The following SLC2A10 variants were observed in gnomAD, a reference collection of about 807,000 sequenced individuals.
SLC2A10 encodes the protein solute carrier family 2, facilitated glucose transporter member 10.
In SLC2A10, 25 loss-of-function variants were observed where a neutral mutation model predicts 32.1. The ratio of observed to expected loss-of-function variants is 0.78; its 90% CI spans 0.57 to 1.09. The LOEUF (loss-of-function observed/expected upper bound fraction) is 1.09, where lower values mean the gene tolerates loss of function less well. Ranked by LOEUF, SLC2A10 falls within the 50% of genes least tolerant of loss-of-function variation. SLC2A10 has a pLI of 0.00. For missense variants in SLC2A10, 673 were observed against 686.5 expected (o/e 0.98, Z 0.22); for synonymous variants, 332 against 309.6 (o/e 1.07, Z -0.76).
intron 1 of SLC2A10, among the ~76,000 whole-genome samples, chr20:46,717,673 C>T (rs1043155445): frequency 6.6e-6 from 1 of 152,190 alleles, no homozygotes; most frequent in African/African-American, 2.4e-5. Flanking sequence ...GTGCGAGCCA[C>T]CACACACGGC....
chr20:46,725,831 G>C lies in SLC2A10; in HGVS notation c.795G>C (p.Gly265=). ...STIFSSVGFH[G]GSSAVLASVG... is the part of the protein sequence containing the mutation. ...TCTTCAGCTCCGTTGGTTTCCATGG[G>C]GGATCCTCAGCCGTGCTGGCCTCTG... The change falls in exon 2 of 5, where the codon GGG becomes GGC. Residue 265 remains glycine (G), a synonymous_variant. Transcript: ENST00000359271. The C allele has an allele frequency of 1.2e-6, 2 of 1,614,250 alleles. No homozygotes were observed. The highest frequency in any genetic ancestry group is 2.7e-5 in the African/African-American group (2 of 75,070).
rs73295921 is a variant in SLC2A10 at position 46,733,434 on chromosome 20, T to C, written c.1548-322T>C. The stretch of plus-strand genomic sequence containing the variant: ...CCCCACCTCCAACACGGAATTACAA[T>C]TGAACATGAGATTTTGGTGGGGACA... On this transcript the variant is annotated intron_variant, in intron 4 of 4. Transcript: ENST00000359271. 4.0e-3 allele frequency among the ~76,000 whole-genome samples: 614 copies of C among 152,254 alleles called. 6 individuals carry two copies. The highest frequency in any genetic ancestry group is 0.014 in the African/African-American group (583 of 41,548).
rs761387869 is a variant in SLC2A10 at position 46,729,502 on chromosome 20, A to AG, written c.1547+17dup. On this transcript the variant is annotated intron_variant, in intron 4 of 4. Transcript: ENST00000359271. ...CCAGAAGAGACGGTAGGAAGCTGAC[A>AG]GGGTGGGTCTGGGGGAAGAGCTGTA... The AG allele has an allele frequency of 2.5e-5, 39 of 1,557,618 alleles. No homozygotes were observed. The East Asian group carries it at 4.2e-4, about 17-fold the overall frequency.
At chr20:46,731,661 A>C (rs1015232339) in intron 4 of SLC2A10, among the ~76,000 whole-genome samples, 1 of 152,076 alleles carries the variant, frequency 6.6e-6, no homozygotes, top group Non-Finnish European at 1.5e-5. Flanking sequence ...ACTCTGGAGA[A>C]GACAGGAAGT....
intron 2 of SLC2A10, 86 bp downstream of exon 2, chr20:46,726,410 G>T: frequency 1.3e-6 from 2 of 1,541,914 alleles, no homozygotes; most frequent in Non-Finnish European, 1.7e-6. Flanking sequence ...TGATGACCTG[G>T]CAGGGTGTCA....
intron 1 of SLC2A10, among the ~76,000 whole-genome samples, chr20:46,723,326 C>T (rs577300044): frequency 1.2e-4 from 19 of 152,234 alleles, no homozygotes; most frequent in Admixed American, 1.1e-3. Context: ...TCACCCTCTT[C>T]TTGGAGAGCT....
upstream of SLC2A10, among the ~76,000 whole-genome samples, chr20:46,708,342 C>T (rs555464535): frequency 1.3e-5 from 2 of 152,160 alleles, no homozygotes; most frequent in Admixed American, 6.5e-5. Flanking sequence ...GATAAGGCTG[C>T]GCCCATGTGA....
chr20:46,725,458 C>T lies in SLC2A10; in HGVS notation c.422C>T (p.Ala141Val), dbSNP rs1979847413. The T allele has an allele frequency of 6.2e-7, 1 of 1,614,056 alleles. No homozygotes were observed. The highest frequency in any genetic ancestry group is 8.5e-7 in the Non-Finnish European group (1 of 1,180,030). ...GGAGTGCTGGTGTCCCTCTATGAGG[C>T]AGGCATCACCGTGGGCATCCTGCTC... ...QRGVLVSLYE[A>V]GITVGILLSY... The change falls in exon 2 of 5, where the codon GCA (alanine) becomes GTA (valine). Residue 141 changes from alanine to valine, a missense_variant. Physicochemically the swap from Ala to Val is moderately conservative, Grantham distance 64. Transcript: ENST00000359271.
At chr20:46,724,987 G>A (rs1979790388) in intron 1 of SLC2A10, 54 bp from the exon 2 acceptor site, 1 of 1,612,734 alleles carries the variant, frequency 6.2e-7, no homozygotes, top group Non-Finnish European at 8.5e-7. Context: ...TGAATGGATG[G>A]ATGGTATGAC....
At chr20:46,724,153 A>G (rs1979708992) in intron 1 of SLC2A10, among the ~76,000 whole-genome samples, 1 of 152,098 alleles carries the variant, frequency 6.6e-6, no homozygotes, top group South Asian at 2.1e-4. Flanking sequence ...ATCAACCTTA[A>G]TTCTCCTTCC....
At chr20:46,733,479 T>G (rs1424121492) in intron 4 of SLC2A10, among the ~76,000 whole-genome samples, 1 of 151,940 alleles carries the variant, frequency 6.6e-6, no homozygotes, top group East Asian at 1.9e-4. Flanking sequence ...ACCATATCAG[T>G]GGAGAGTGAC....
chr20:46,709,685 A>T lies in SLC2A10; in HGVS notation c.-52A>T. On this transcript the variant is annotated 5_prime_UTR_variant, in exon 1 of 5. The change abolishes an upstream ATG in the 5' untranslated region. Coordinates refer to ENST00000359271, the MANE Select transcript of SLC2A10 (RefSeq NM_030777.4). ...GCGGCGTTGGGGACTCCGGCGGGGGATGCGCGCCCGGCCCCTCAGCGCCCC... is the reference window on the plus strand; with the variant it reads ...GCGGCGTTGGGGACTCCGGCGGGGGTTGCGCGCCCGGCCCCTCAGCGCCCC... 6.5e-7 allele frequency: 1 copy of T among 1,533,468 alleles called. No individual in the cohort carries two copies. Among genetic ancestry groups the T allele is most frequent in the Non-Finnish European group, 8.8e-7 (1 of 1,140,866 alleles). 95.0% of individuals were successfully genotyped at this position (1,533,468 alleles called of 1,614,324 possible).
chr20:46,718,764 T>G (rs187927090), intron 1 of SLC2A10, among the ~76,000 whole-genome samples: 69 of 152,240 alleles, frequency 4.5e-4, no homozygotes, highest in African/African-American at 1.6e-3. Context: ...GTAATTTAGA[T>G]GTATATTTTA....
intron 1 of SLC2A10, among the ~76,000 whole-genome samples, chr20:46,718,568 G>A (rs1394694961): frequency 3.3e-5 from 5 of 151,984 alleles, no homozygotes; most frequent in African/African-American, 1.2e-4. Context: ...ATTTTCACTT[G>A]ATTATCTCTT....
upstream of SLC2A10, among the ~76,000 whole-genome samples, chr20:46,708,899 G>C (rs1978740352): frequency 6.6e-6 from 1 of 152,154 alleles, no homozygotes; most frequent in African/African-American, 2.4e-5. Flanking sequence ...TTCCCCCTGC[G>C]GGGAATGCCG....
chr20:46,730,510 A>G (rs1423613951), intron 4 of SLC2A10, among the ~76,000 whole-genome samples: 1 of 152,162 alleles, frequency 6.6e-6, no homozygotes, highest in Non-Finnish European at 1.5e-5. Flanking sequence ...AGTGAGAAGG[A>G]GGCACCCACG....
At chr20:46,731,422 G>A (rs1276093726) in intron 4 of SLC2A10, among the ~76,000 whole-genome samples, 1 of 152,170 alleles carries the variant, frequency 6.6e-6, no homozygotes, top group African/African-American at 2.4e-5. Flanking sequence ...AAAAATCGAG[G>A]GTTCTGTTAC....
rs972796538 is a variant in SLC2A10 at position 46,726,333 on chromosome 20, A to C, written c.1288+9A>C. 8.7e-6 allele frequency: 14 copies of C among 1,605,614 alleles called. No homozygotes were observed. Among genetic ancestry groups the C allele is most frequent in the Non-Finnish European group, 1.2e-5 (14 of 1,179,956 alleles). ...CTTTGGGTTTGGGCCAGGTAAGTGGAGTTTTCTTGCAGGTGACTCTGGAGA... is the reference window on the plus strand; with the variant it reads ...CTTTGGGTTTGGGCCAGGTAAGTGGCGTTTTCTTGCAGGTGACTCTGGAGA... On this transcript the variant is annotated intron_variant, in intron 2 of 4. Coordinates refer to ENST00000359271, the MANE Select transcript of SLC2A10 (RefSeq NM_030777.4).
chr20:46,709,884 C>G, intron 1 of SLC2A10, 144 bp downstream of exon 1: 2 of 925,344 alleles, frequency 2.2e-6, no homozygotes, highest in South Asian at 3.0e-5. Flanking sequence ...GTGGCCAGCC[C>G]GAGACTGCAG....
Sources: gnomAD v4.1 joint callset for allele counts (sites outside exome capture counted in the v4.1 genomes callset) on GRCh38, gnomAD v4.1.1 for gene constraint, MANE v1.5 for transcripts, NCBI Gene and HGNC (gene_info 2026-07-23, HGNC 2026-07-21) for gene names.